The following PSMA8 variants were observed in gnomAD, a reference collection of about 807,000 sequenced individuals.
PSMA8 encodes proteasome subunit alpha-type 8.
In PSMA8, 18 loss-of-function variants were observed where a neutral mutation model predicts 32.4. That is an observed-to-expected ratio of 0.56 (90% CI 0.38 to 0.82). PSMA8 has a LOEUF of 0.82. Among genes scored for constraint, PSMA8 ranks in the 40% least tolerant of loss-of-function variants. The probability of loss-of-function intolerance (pLI) is 0.00; values close to 1 mark genes in which losing one functional copy is unlikely to be tolerated. For missense variants in PSMA8, 298 were observed against 300.7 expected, an observed-to-expected ratio of 0.99 and a Z score of 0.07; for synonymous variants, 104 against 98.1, an observed-to-expected ratio of 1.06 and a Z score of -0.36.
intron 4 of PSMA8, among the ~76,000 whole-genome samples, chr18:26,172,615 A>G (rs2055232020): frequency 6.6e-6 from 1 of 152,160 alleles, no homozygotes; most frequent in Non-Finnish European, 1.5e-5. Context: ...GAGAAGCCAT[A>G]TGCCACTTGG....
intron 2 of PSMA8, among the ~76,000 whole-genome samples, chr18:26,146,087 T>C (rs756034676): frequency 6.6e-6 from 1 of 152,200 alleles, no homozygotes; most frequent in Non-Finnish European, 1.5e-5. Context: ...TTAATTTTTA[T>C]TTCCCTCACG....
intron 1 of PSMA8, among the ~76,000 whole-genome samples, chr18:26,137,877 T>A (rs1042211222): frequency 8.5e-5 from 13 of 152,118 alleles, no homozygotes; most frequent in South Asian, 2.1e-4. Context: ...GAAGAAATAA[T>A]ACTTAAGTGG....
intron 2 of PSMA8, among the ~76,000 whole-genome samples, chr18:26,149,262 A>G (rs2055026903): frequency 6.6e-6 from 1 of 152,234 alleles, no homozygotes; most frequent in Admixed American, 6.5e-5. Context: ...AGGAGGCAAA[A>G]GATTTGTACT....
intron 6 of PSMA8, among the ~76,000 whole-genome samples, chr18:26,190,187 G>C (rs1218409924): frequency 6.6e-6 from 1 of 151,968 alleles, no homozygotes; most frequent in Non-Finnish European, 1.5e-5. Flanking sequence ...TGGTTAATAG[G>C]TACAAAAAAA....
intron 6 of PSMA8, among the ~76,000 whole-genome samples, chr18:26,190,024 G>A (rs2055388754): frequency 6.6e-6 from 1 of 152,150 alleles, no homozygotes; most frequent in African/African-American, 2.4e-5. Flanking sequence ...AGATCATTAT[G>A]TTAAATAAGG....
At chr18:26,136,768 A>G (rs1441634773) in intron 1 of PSMA8, among the ~76,000 whole-genome samples, 1 of 152,226 alleles carries the variant, frequency 6.6e-6, no homozygotes, top group Non-Finnish European at 1.5e-5. Context: ...TCTAGATGGT[A>G]TAATTCATTT....
chr18:26,140,575 G>A (rs1350079574), intron 1 of PSMA8, among the ~76,000 whole-genome samples: 2 of 152,162 alleles, frequency 1.3e-5, no homozygotes, highest in African/African-American at 4.8e-5. Flanking sequence ...TGGGACATGG[G>A]CATGGGAAAC....
intron 1 of PSMA8, among the ~76,000 whole-genome samples, chr18:26,135,076 A>AT (rs1363584729): frequency 6.6e-6 from 1 of 152,138 alleles, no homozygotes; most frequent in African/African-American, 2.4e-5. Flanking sequence ...TCCTTGAGAG[A>AT]TTACACCCTA....
intron 2 of PSMA8, among the ~76,000 whole-genome samples, chr18:26,145,189 G>A (rs1052677937): frequency 3.3e-5 from 5 of 152,120 alleles, no homozygotes; most frequent in Admixed American, 2.6e-4. Context: ...CGCGATCTCT[G>A]CTCACTGCAA....
chr18:26,191,048 A>G (rs2055398343), intron 6 of PSMA8, among the ~76,000 whole-genome samples: 1 of 152,200 alleles, frequency 6.6e-6, no homozygotes, highest in South Asian at 2.1e-4. Context: ...TTTATAGGTG[A>G]AATGGAAAGA....
intron 4 of PSMA8, among the ~76,000 whole-genome samples, chr18:26,160,093 G>A (rs894238900): frequency 1.3e-5 from 2 of 152,126 alleles, no homozygotes; most frequent in Non-Finnish European, 2.9e-5. Flanking sequence ...CTTGAATGCA[G>A]GAGTTCGAGA....
At chr18:26,187,560 A>G (rs187836182) in intron 6 of PSMA8, among the ~76,000 whole-genome samples, 201 of 152,260 alleles carry the variant, frequency 1.3e-3, no homozygotes, top group South Asian at 4.4e-3. Context: ...ATAAAGACAA[A>G]CATAGACTGA....
chr18:26,191,511 C>T (rs545579335), intron 6 of PSMA8, among the ~76,000 whole-genome samples: 3 of 152,078 alleles, frequency 2.0e-5, no homozygotes, highest in Middle Eastern at 3.4e-3. Context: ...ATCAGTCAGG[C>T]GTGGTAGCAC....
intron 2 of PSMA8, among the ~76,000 whole-genome samples, chr18:26,149,030 A>G (rs2055025211): frequency 6.6e-6 from 1 of 151,910 alleles, no homozygotes; most frequent in Admixed American, 6.6e-5. Flanking sequence ...TTTTGTAGAG[A>G]CAGGATCTCA....
At chr18:26,166,160 T>C (rs2055178280) in intron 4 of PSMA8, among the ~76,000 whole-genome samples, 1 of 152,086 alleles carries the variant, frequency 6.6e-6, no homozygotes, top group South Asian at 2.1e-4. Context: ...AACTTTCAAG[T>C]AGGTCTGTGT....
rs544111735 is a variant in PSMA8, at chr18:26,141,847, G to A, written c.103-2712G>A. Among the ~76,000 whole-genome samples, 285 of 149,900 alleles carry A rather than the reference G, an allele frequency of 1.9e-3. 6 individuals are homozygous for A. The highest frequency in any genetic ancestry group is 2.0e-3 in the Admixed American group (30 of 15,000). On this transcript the variant is annotated intron_variant, in intron 1 of 6. Coordinates refer to ENST00000415576, the MANE Select transcript of PSMA8 (RefSeq NM_001025096.2). ...AACTACAGGTGCACACACCATGCTC[G>A]GCTAATTTTTTTATATTTTGTAGAG... is the stretch of plus-strand genomic sequence containing the variant.
intron 4 of PSMA8, among the ~76,000 whole-genome samples, chr18:26,159,547 C>T (rs1228722246): frequency 6.6e-6 from 1 of 151,840 alleles, no homozygotes; most frequent in Non-Finnish European, 1.5e-5. Context: ...TTAAAGCCTG[C>T]CATCTTCTGT....
intron 4 of PSMA8, among the ~76,000 whole-genome samples, chr18:26,176,860 G>T (rs1322557103): frequency 6.6e-6 from 1 of 152,130 alleles, no homozygotes; most frequent in Non-Finnish European, 1.5e-5. Context: ...CTGAGCCCAG[G>T]AGGCAGAGGT....
At chr18:26,150,859 G>A (rs564733910) in intron 2 of PSMA8, among the ~76,000 whole-genome samples, 74 of 152,216 alleles carry the variant, frequency 4.9e-4, no homozygotes, top group Admixed American at 1.8e-3. Flanking sequence ...ATTGAGTGAC[G>A]TTTTCATCCA....
Sources: gnomAD v4.1 joint callset for allele counts (sites outside exome capture counted in the v4.1 genomes callset) on GRCh38, gnomAD v4.1.1 for gene constraint, MANE v1.5 for transcripts, NCBI Gene and HGNC (gene_info 2026-07-23, HGNC 2026-07-21) for gene names.